The following OR51B5 variants were observed in gnomAD, a reference collection of about 807,000 sequenced individuals.
OR51B5 encodes olfactory receptor family 51 subfamily B member 5, also known as olfactory receptor 51B5.
For synonymous variants in OR51B5, 186 were observed against 144.8 expected, an observed-to-expected ratio of 1.28 and a Z score of -2.04; for missense variants, 456 against 374.6, an observed-to-expected ratio of 1.22 and a Z score of -1.79.
chr11:5,430,753 A>G (rs1167125569), intron 1 of OR51B5: 2 of 457,040 alleles, frequency 4.4e-6, no homozygotes, highest in Non-Finnish European at 8.8e-6. Context: ...AGGTGGCACC[A>G]AAAGGCAGAT....
At chr11:5,371,935 G>A (rs4306312) in intron 1 of OR51B5, among the ~76,000 whole-genome samples, 41,224 of 151,784 alleles carry the variant, frequency 0.27, 5,871 homozygotes, top group African/African-American at 0.33. Flanking sequence ...TTTTTACACT[G>A]TTTCTATGCA....
At chr11:5,465,065 G>A (rs186716981) in intron 1 of OR51B5, among the ~76,000 whole-genome samples, 6,245 of 151,536 alleles carry the variant, frequency 0.041, 454 homozygotes, top group African/African-American at 0.14. Context: ...AATTGTCCGG[G>A]CGTAGTGGCG....
At chr11:5,346,265 G>A (rs1482405451), upstream of OR51B5, 1 of 152,134 alleles carries the variant, frequency 6.6e-6, no homozygotes, top group African/African-American at 2.4e-5. Flanking sequence ...GACATACCTG[G>A]TAATGCAGCT....
intron 1 of OR51B5, among the ~76,000 whole-genome samples, chr11:5,373,751 C>T (rs1394386996): frequency 6.6e-6 from 1 of 152,178 alleles, no homozygotes; most frequent in South Asian, 2.1e-4. Context: ...TGAGATCAAA[C>T]TGCAAGGTGG....
chr11:5,426,354 TG>T (rs1850450725), intron 1 of OR51B5, among the ~76,000 whole-genome samples: 1 of 152,152 alleles, frequency 6.6e-6, no homozygotes, highest in African/African-American at 2.4e-5. Flanking sequence ...TGAAGTTTAA[TG>T]GAAACAAAAT....
chr11:5,396,420 C>G (rs935756806), intron 1 of OR51B5, among the ~76,000 whole-genome samples: 2 of 152,134 alleles, frequency 1.3e-5, no homozygotes, highest in African/African-American at 4.8e-5. Flanking sequence ...TTCTTATACA[C>G]CAATAACAGA....
intron 1 of OR51B5, chr11:5,453,306 G>A (rs1590003881): frequency 1.4e-5 from 6 of 438,960 alleles, no homozygotes; most frequent in East Asian, 1.4e-4. Flanking sequence ...AAAATATGAA[G>A]AAAAGGAGTT....
intron 1 of OR51B5, chr11:5,488,858 T>C: frequency 6.2e-7 from 1 of 1,614,060 alleles, no homozygotes; most frequent in Non-Finnish European, 8.5e-7. Context: ...CTCATCCTGG[T>C]CATTGCCATG....
intron 1 of OR51B5, among the ~76,000 whole-genome samples, chr11:5,376,970 A>G (rs1252964483): frequency 6.6e-6 from 1 of 152,176 alleles, no homozygotes; most frequent in East Asian, 1.9e-4. Flanking sequence ...TGAGGCCAGC[A>G]TCATCCTAAT....
At chr11:5,421,318 C>T (rs1167421651) in intron 1 of OR51B5, among the ~76,000 whole-genome samples, 1 of 152,188 alleles carries the variant, frequency 6.6e-6, no homozygotes, top group African/African-American at 2.4e-5. Context: ...AAAACAGAAG[C>T]CACAGATGGT....
intron 1 of OR51B5, among the ~76,000 whole-genome samples, chr11:5,382,879 T>C (rs533541395): frequency 4.6e-5 from 7 of 152,276 alleles, no homozygotes; most frequent in African/African-American, 1.7e-4. Flanking sequence ...TAGATCTGTA[T>C]GCCCCGTTTT....
chr11:5,389,486 C>G, intron 1 of OR51B5: 1 of 1,614,012 alleles, frequency 6.2e-7, no homozygotes, highest in Non-Finnish European at 8.5e-7. Flanking sequence ...CACCAGCTTT[C>G]CTGGATTGGA....
At chr11:5,417,448 T>C (rs61894099) in intron 1 of OR51B5, among the ~76,000 whole-genome samples, 1 of 151,228 alleles carries the variant, frequency 6.6e-6, no homozygotes, top group Non-Finnish European at 1.5e-5. Flanking sequence ...AAACTAAAGA[T>C]CTTCTGCGCA....
At chr11:5,388,692 C>T (rs1849741383) in intron 1 of OR51B5, among the ~76,000 whole-genome samples, 2 of 151,414 alleles carry the variant, frequency 1.3e-5, no homozygotes, top group Admixed American at 1.3e-4. Context: ...TTTTTTACTT[C>T]ATTAAAAACT....
rs369076750 is a variant in OR51B5, at chr11:5,359,688, C to G, written n.85-12778G>C. Among the ~76,000 whole-genome samples, 5 of 150,468 alleles carry G rather than the reference C, an allele frequency of 3.3e-5. No individual in the cohort carries two copies. The East Asian group carries it at 9.6e-4, about 29-fold the overall frequency. ...CAAAAAAGAGCCCACATTGACATGC[C>G]AATCCTAAGCCAAAAGAACAAAGCT... is the stretch of plus-strand genomic sequence containing the variant. On this transcript the variant is annotated intron_variant and non_coding_transcript_variant, in intron 1 of 4. Transcript: ENST00000415970.
In OR51B5 at chr11:5,380,186, C is replaced by T. The variant is rs569062855; in HGVS notation, n.85-33276G>A. Among the ~76,000 whole-genome samples, 36 of 152,162 alleles carry T rather than the reference C, an allele frequency of 2.4e-4. 1 individual carries two copies. In the South Asian group the frequency reaches 6.4e-3, roughly 27 times the overall value. ...ATGACTGAAGAGAGGTAGGATGTTA[C>T]GAAAGAAGGCGTTTCTGAAAGAGTT... On this transcript the variant is annotated intron_variant and non_coding_transcript_variant, in intron 1 of 4. Coordinates refer to the OR51B5 transcript ENST00000415970.
chr11:5,352,049 A>T (rs1400337047), intron 1 of OR51B5: 1 of 1,613,866 alleles, frequency 6.2e-7, no homozygotes, highest in Non-Finnish European at 8.5e-7. Flanking sequence ...CTACACCAAG[A>T]TGTCATCAAG....
chr11:5,429,498 A>G (rs186293860), intron 1 of OR51B5, among the ~76,000 whole-genome samples: 1 of 152,324 alleles, frequency 6.6e-6, no homozygotes, highest in Non-Finnish European at 1.5e-5. Context: ...ATGATCAGTG[A>G]CACTAATCAC....
intron 1 of OR51B5, among the ~76,000 whole-genome samples, chr11:5,438,162 A>G (rs1445664313): frequency 6.6e-6 from 1 of 152,212 alleles, no homozygotes; most frequent in East Asian, 1.9e-4. Flanking sequence ...CATATTGGGC[A>G]TAAATCTCTG....
Sources: gnomAD v4.1 joint callset for allele counts (sites outside exome capture counted in the v4.1 genomes callset) on GRCh38, gnomAD v4.1.1 for gene constraint, MANE v1.5 for transcripts, NCBI Gene and HGNC (gene_info 2026-07-23, HGNC 2026-07-21) for gene names.